Variants in KCNN1 observed in about 807,000 individuals in gnomAD.
KCNN1 encodes the protein potassium calcium-activated channel subfamily N member 1, also known as small conductance calcium-activated potassium channel protein 1.
KCNN1 carries 20 observed loss-of-function variants against 44.7 expected under a neutral mutation model. The ratio of observed to expected loss-of-function variants is 0.45; its 90% CI spans 0.32 to 0.65. The LOEUF is 0.65. Ranked by LOEUF, KCNN1 falls within the 30% of genes least tolerant of loss-of-function variation. KCNN1 has a pLI of 0.05. For synonymous variants in KCNN1, 324 were observed against 341.7 expected (o/e 0.95, Z 0.57); for missense variants, 632 against 785.3 (o/e 0.80, Z 2.33).
chr19:17,985,587 T>C (rs1481601401), intron 5 of KCNN1, 134 bp downstream of exon 5: 8 of 743,768 alleles, frequency 1.1e-5, no homozygotes, highest in Non-Finnish European at 1.6e-5. Flanking sequence ...CCTCCATCTG[T>C]CAGTCCACCC....
rs943533216 is a variant in KCNN1, at chr19:17,993,867, A to G, written c.1377+308A>G. 7.9e-5 allele frequency among the ~76,000 whole-genome samples: 12 copies of G among 152,048 alleles called. No individual in the cohort carries two copies. The highest frequency in any genetic ancestry group is 1.3e-4 in the Admixed American group (2 of 15,256). On this transcript the variant is annotated intron_variant, in intron 9 of 9. Coordinates refer to ENST00000684775, the MANE Select transcript of KCNN1 (RefSeq NM_001386974.1). This position sits in a 1 kb window ranked among gnomAD's most constrained non-coding sequence, Gnocchi z 4.5. ...TGAGGCTGCAGTGAGCCGAGATGGC[A>G]CCACTGCAGTCCAGCCTGGGTGACA...
intron 2 of KCNN1, among the ~76,000 whole-genome samples, chr19:17,959,215 G>A (rs773498870): frequency 4.0e-5 from 6 of 151,590 alleles, no homozygotes; most frequent in South Asian, 4.2e-4. Flanking sequence ...TAGTAGAGAC[G>A]GGGTTTCACC....
In KCNN1 at chr19:17,970,289, A is replaced by ATTTTTTTT. The variant is rs71164333; in HGVS notation, c.-82+3010_-82+3017dup. 8.8e-5 allele frequency among the ~76,000 whole-genome samples: 5 copies of ATTTTTTTT among 56,930 alleles called. 1 individual carries two copies. Among genetic ancestry groups the ATTTTTTTT allele is most frequent in the Non-Finnish European group, 1.6e-4 (5 of 31,890 alleles). The allele number at this position is 56,930 out of a possible 152,430, so 37.3% of individuals were successfully genotyped here. A position where few individuals can be genotyped will look rare whatever the true frequency, so the allele number is the denominator to read the frequency against. ...AGGTCACCTGACCATAGAAGGAATGATTTTTTTTTTTTTTTTTTTTTTTTT... is the reference window on the plus strand; with the variant it reads ...AGGTCACCTGACCATAGAAGGAATGATTTTTTTTTTTTTTTTTTTTTTTTTTTTTTTTT... On this transcript the variant is annotated intron_variant, in intron 1 of 9. Transcript: ENST00000684775.
Position 17,998,236 on chromosome 19 carries a change from C to T in KCNN1, c.1462C>T (p.Arg488Cys), listed in dbSNP as rs559664679. The change falls in exon 10 of 10, where the codon CGC (arginine) becomes TGC (cysteine). Residue 488 changes from arginine (R) to cysteine (C), a missense_variant. Around this residue, in one of 3 missense-constraint regions of KCNN1, gnomAD observed 237 missense variants for 253.0 expected, o/e 0.94. Coordinates refer to ENST00000684775, the MANE Select transcript of KCNN1 (RefSeq NM_001386974.1). This position sits in a 1 kb window ranked among gnomAD's most constrained non-coding sequence, Gnocchi z 5.4. ...GGCCCGCCTGGCCACCCTGGAAAGCCGCTTGGATGCGCTGGGTGCCTCTCT... is the reference window on the plus strand; with the variant it reads ...GGCCCGCCTGGCCACCCTGGAAAGCTGCTTGGATGCGCTGGGTGCCTCTCT... ...LEARLATLESRLDALGASLQA... is the reference protein window; with the variant it reads ...LEARLATLESCLDALGASLQA... The T allele has an allele frequency of 5.1e-6, 8 of 1,573,688 alleles. No homozygotes were observed. Among genetic ancestry groups the T allele is most frequent in the East Asian group, 2.4e-5 (1 of 42,510 alleles).
chr19:17,996,951 C>T (rs1599384391), intron 9 of KCNN1, among the ~76,000 whole-genome samples: 1 of 152,334 alleles, frequency 6.6e-6, no homozygotes, highest in African/African-American at 2.4e-5. Flanking sequence ...CCACGGAGGC[C>T]GCCGCGGGGT....
Position 17,974,002 on chromosome 19 carries a change from C to T in KCNN1, c.114C>T (p.His38=), listed in dbSNP as rs780467211. 8.2e-6 allele frequency: 13 copies of T among 1,592,090 alleles called. No homozygotes were observed. In the Admixed American group the frequency reaches 2.1e-4, roughly 26 times the overall value. Residue 38 remains histidine, a synonymous_variant, in exon 2 of 10, where the codon CAC becomes CAT. Transcript: ENST00000684775. This position sits in a 1 kb window ranked among gnomAD's most constrained non-coding sequence, Gnocchi z 7.3. ...CCGGCCACCCCCCACAACCCCCGCA[C>T]AGCCCGGGCCTCCAGGTGGTAGTGG... ...PEAGHPPQPP[H]SPGLQVVVAK... is the part of the protein sequence containing the mutation.
intron 9 of KCNN1, among the ~76,000 whole-genome samples, chr19:17,996,243 C>T (rs556276118): frequency 7.4e-4 from 112 of 151,076 alleles, no homozygotes; most frequent in African/African-American, 2.5e-3. Flanking sequence ...GAGGTAAAAG[C>T]TGCAGTCAGC....
chr19:17,961,863 A>G (rs1009269001), intron 2 of KCNN1, among the ~76,000 whole-genome samples: 22 of 152,254 alleles, frequency 1.4e-4, no homozygotes, highest in Admixed American at 6.5e-4. Context: ...TGCTGGGATT[A>G]CAGGCATGAG....
At chr19:17,997,910 A>G (rs1337216148) in intron 9 of KCNN1, among the ~76,000 whole-genome samples, 1 of 151,480 alleles carries the variant, frequency 6.6e-6, no homozygotes, top group Admixed American at 6.6e-5. Context: ...AGAAAAAAAA[A>G]AAAAAGAGAG....
At position 17,983,842 on chromosome 19, in the gene KCNN1, G is replaced by A. The variant is rs1384157821; in HGVS notation, c.918-1470G>A. On this transcript the variant is annotated intron_variant, in intron 4 of 9. Coordinates refer to ENST00000684775, the MANE Select transcript of KCNN1 (RefSeq NM_001386974.1). This position sits in a 1 kb window ranked among gnomAD's most constrained non-coding sequence, Gnocchi z 4.5. ...CCCTCTGGGGGTCAGGCAGCTTGGG[G>A]CTCAGATGTTTTGGTGTAAGATGGG... 6.6e-6 allele frequency among the ~76,000 whole-genome samples: 1 copy of A among 152,002 alleles called. No homozygotes were observed. Among genetic ancestry groups the A allele is most frequent in the Non-Finnish European group, 1.5e-5 (1 of 67,992 alleles).
intron 1 of KCNN1, among the ~76,000 whole-genome samples, chr19:17,952,960 C>T (rs1013269804): frequency 2.6e-5 from 4 of 152,176 alleles, no homozygotes; most frequent in African/African-American, 9.7e-5. Flanking sequence ...CCACGAATCC[C>T]GGGACCCAGC....
rs905405803 is a variant in KCNN1 at position 17,978,751 on chromosome 19, T to G, written c.499-2958T>G. Among the ~76,000 whole-genome samples the G allele has an allele frequency of 6.9e-5, 10 of 145,624 alleles. 1 individual carries two copies. The highest frequency in any genetic ancestry group is 2.1e-4 in the Admixed American group (3 of 14,524). On this transcript the variant is annotated intron_variant, in intron 3 of 9. Transcript: ENST00000684775. ...TATAGGTGTGAGCCACAGACCCGGCTTTTTTTTTTAACTGTAATTCAGGCT... is the reference window on the plus strand; with the variant it reads ...TATAGGTGTGAGCCACAGACCCGGCGTTTTTTTTTAACTGTAATTCAGGCT...
Position 17,955,982 on chromosome 19 carries a change from C to T in KCNN1, c.-82+1301C>T, listed in dbSNP as rs112262755. 1.8e-4 allele frequency among the ~76,000 whole-genome samples: 28 copies of T among 151,892 alleles called. 2 individuals carry two copies. Among genetic ancestry groups the T allele is most frequent in the African/African-American group, 6.0e-4 (25 of 41,422 alleles). On this transcript the variant is annotated intron_variant, in intron 2 of 10. Coordinates refer to the KCNN1 transcript ENST00000222249. ...TCTGACTCTGTCGCCCAGGCTGGAG[C>T]GCAGTGGCATGATCTTGGCTCACTG...
intron 2 of KCNN1, among the ~76,000 whole-genome samples, chr19:17,960,493 G>A (rs975009597): frequency 2.6e-5 from 4 of 152,084 alleles, no homozygotes; most frequent in Admixed American, 6.6e-5. Context: ...AGCCAGGCGT[G>A]GTGGTGGGTG....
At chr19:17,971,414 C>T (rs574708783) in intron 1 of KCNN1, among the ~76,000 whole-genome samples, 4 of 152,212 alleles carry the variant, frequency 2.6e-5, no homozygotes, top group East Asian at 1.9e-4. Context: ...GAGCCGGGTC[C>T]GGAATCTTCC....
rs2032142967 is a variant in KCNN1, at chr19:17,974,578, G to A, written c.402+288G>A. On this transcript the variant is annotated intron_variant, in intron 2 of 9. Transcript: ENST00000684775. This position sits in a 1 kb window ranked among gnomAD's most constrained non-coding sequence, Gnocchi z 7.3. ...CCCCAGGACAGGGGTTCCCCAGAGT[G>A]GGCCTGCTCTGGGGAGCAACAGAAG... 6.6e-6 allele frequency among the ~76,000 whole-genome samples: 1 copy of A among 152,176 alleles called. No homozygotes were observed. The highest frequency in any genetic ancestry group is 2.4e-5 in the African/African-American group (1 of 41,452).
Position 17,993,673 on chromosome 19 carries a change from C to T in KCNN1, c.1377+114C>T. 1 of 812,584 alleles carries T rather than the reference C, an allele frequency of 1.2e-6. No homozygotes were observed. Among genetic ancestry groups the T allele is most frequent in the Non-Finnish European group, 2.1e-6 (1 of 472,052 alleles). 50.3% of individuals were successfully genotyped at this position (812,584 alleles called of 1,614,324 possible). On this transcript the variant is annotated intron_variant, in intron 9 of 9. Coordinates refer to ENST00000684775, the MANE Select transcript of KCNN1 (RefSeq NM_001386974.1). The surrounding 1 kb of genome is among the most constrained non-coding windows in gnomAD (Gnocchi z 4.5). ...ACAAGGACCCGCTGTGGGCTGAGTG[C>T]AGTGGCGGGCGGATCGCTTGAGCTC...
chr19:17,993,488 A>G lies in KCNN1; in HGVS notation c.1308-2A>G. The G allele has an allele frequency of 6.2e-7, 1 of 1,612,340 alleles. No individual in the cohort carries two copies. The highest frequency in any genetic ancestry group is 8.5e-7 in the Non-Finnish European group (1 of 1,178,706). On this transcript the variant is annotated splice_acceptor_variant, in intron 8 of 9. Coordinates refer to ENST00000684775, the MANE Select transcript of KCNN1 (RefSeq NM_001386974.1). LOFTEE classifies it high-confidence loss of function. The surrounding 1 kb of genome is among the most constrained non-coding windows in gnomAD (Gnocchi z 4.5). ...CCCTCCCCCAACCCCGTGTCCCCACAGGCTCCGGAGTGTGAAGATCGAGCA... is the reference window on the plus strand; with the variant it reads ...CCCTCCCCCAACCCCGTGTCCCCACGGGCTCCGGAGTGTGAAGATCGAGCA...
chr19:17,975,399 A>G (rs7247925), intron 3 of KCNN1, among the ~76,000 whole-genome samples: 1 of 152,178 alleles, frequency 6.6e-6, no homozygotes, highest in South Asian at 2.1e-4. Context: ...ATTATTTACA[A>G]AAAAGAACAG....
Sources: allele counts gnomAD v4.1 joint callset (sites outside exome capture counted in the v4.1 genomes callset), GRCh38; gene constraint gnomAD v4.1.1; regional missense constraint gnomAD v4.1.1; non-coding constraint Gnocchi (gnomAD v3.1); transcripts MANE v1.5; gene names NCBI Gene and HGNC (gene_info 2026-07-23, HGNC 2026-07-21).